MAGI2: variants seen among roughly 807,000 people sequenced by gnomAD.
The protein encoded by MAGI2 is membrane-associated guanylate kinase, WW and PDZ domain-containing protein 2.
Under a neutral mutation model 133.3 loss-of-function variants are expected in MAGI2, and 35 were observed. That is an observed-to-expected ratio of 0.26 (90% CI 0.20 to 0.35). The LOEUF is 0.35. MAGI2 is among the 10% of genes least tolerant of loss of function. The pLI, the probability that MAGI2 is intolerant of heterozygous loss-of-function variation, is 1.00. For missense variants in MAGI2, 1,636 were observed against 1,863.4 expected (o/e 0.88, Z 2.25); for synonymous variants, 729 against 710.6 (o/e 1.03, Z -0.41).
intron 2 of MAGI2, among the ~76,000 whole-genome samples, chr7:78,859,753 T>G (rs1793999605): frequency 6.6e-6 from 1 of 152,168 alleles, no homozygotes; most frequent in South Asian, 2.1e-4. Context: ...CTTCATGGCG[T>G]TCTCTGTATT....
At chr7:78,794,430 A>T (rs192694361) in intron 2 of MAGI2, among the ~76,000 whole-genome samples, 1 of 152,222 alleles carries the variant, frequency 6.6e-6, no homozygotes, top group Admixed American at 6.5e-5. Context: ...AAAATTGTCA[A>T]TGGAAATTTT....
intron 17 of MAGI2, 65 bp from the exon 18 acceptor site, chr7:78,133,125 T>G (rs948805905): frequency 2.1e-5 from 29 of 1,364,384 alleles, no homozygotes; most frequent in Non-Finnish European, 2.7e-5. Flanking sequence ...AAGAAGTGAC[T>G]AGAGGCAGTG....
intron 21 of MAGI2, among the ~76,000 whole-genome samples, chr7:78,023,028 A>G (rs1298099707): frequency 6.6e-6 from 1 of 152,218 alleles, no homozygotes; most frequent in African/African-American, 2.4e-5. Context: ...TGAGTGGTTG[A>G]ATATTTTCAT....
rs188791603 is a variant in MAGI2 at position 78,747,706 on chromosome 7, C to G, written c.419-120467G>C. 1.7e-3 allele frequency among the ~76,000 whole-genome samples: 256 copies of G among 152,254 alleles called. 3 individuals carry two copies. The highest frequency in any genetic ancestry group is 0.017 in the Admixed American group (254 of 15,278). On this transcript the variant is annotated intron_variant, in intron 2 of 21. Coordinates refer to ENST00000354212, the MANE Select transcript of MAGI2 (RefSeq NM_012301.4). The stretch of plus-strand genomic sequence containing the variant: ...CCCTGATCTCACTAGAAGGTTTGGT[C>G]TGTTTTACTCAAAGCTGCATCCGTG...
intron 20 of MAGI2, among the ~76,000 whole-genome samples, chr7:78,092,066 A>T (rs1420453841): frequency 6.6e-6 from 1 of 152,166 alleles, no homozygotes; most frequent in Admixed American, 6.5e-5. Context: ...AGCTTTCAAA[A>T]CTACATGTGT....
At chr7:79,429,842 C>CTT (rs1255552813) in intron 1 of MAGI2, among the ~76,000 whole-genome samples, 1 of 151,962 alleles carries the variant, frequency 6.6e-6, no homozygotes, top group Non-Finnish European at 1.5e-5. Flanking sequence ...AGTCAGAAGT[C>CTT]TACCAAATGA....
chr7:79,042,449 C>G (rs147163498), intron 1 of MAGI2, among the ~76,000 whole-genome samples: 10 of 152,262 alleles, frequency 6.6e-5, no homozygotes, highest in Admixed American at 4.6e-4. Context: ...CTCTTGAAGA[C>G]AGCATATAGT....
At chr7:79,404,373 T>C (rs1038221779) in intron 1 of MAGI2, among the ~76,000 whole-genome samples, 11 of 152,106 alleles carry the variant, frequency 7.2e-5, no homozygotes, top group Admixed American at 7.2e-4. Context: ...TCTCACTCTG[T>C]CACCCAGGCT....
chr7:79,023,831 A>C (rs770854387), intron 1 of MAGI2, among the ~76,000 whole-genome samples: 7 of 152,206 alleles, frequency 4.6e-5, no homozygotes, highest in Non-Finnish European at 8.8e-5. Flanking sequence ...CAAATAAATC[A>C]GAGATGACAC....
At chr7:79,202,796 C>T (rs575125394) in intron 1 of MAGI2, among the ~76,000 whole-genome samples, 8 of 152,062 alleles carry the variant, frequency 5.3e-5, no homozygotes, top group African/African-American at 1.7e-4. Flanking sequence ...ACCTGTACTA[C>T]TTATATTTCT....
intron 6 of MAGI2, among the ~76,000 whole-genome samples, chr7:78,374,834 T>C (rs1455867820): frequency 2.6e-5 from 4 of 151,526 alleles, no homozygotes; most frequent in Admixed American, 1.3e-4. Context: ...ATTCTTCTTT[T>C]ACATTGTGTT....
chr7:78,873,537 G>A (rs1054412968), intron 2 of MAGI2, among the ~76,000 whole-genome samples: 11 of 152,026 alleles, frequency 7.2e-5, no homozygotes, highest in Admixed American at 7.2e-4. Flanking sequence ...ATCACCCCCA[G>A]ATGGGACCAT....
chr7:78,151,103 T>C (rs1823828449), intron 16 of MAGI2, among the ~76,000 whole-genome samples: 1 of 147,662 alleles, frequency 6.8e-6, no homozygotes, highest in South Asian at 2.1e-4. Flanking sequence ...TATATTTATA[T>C]ATTTGCACTT....
chr7:78,573,365 AATATATATATATATATATAT>A lies in MAGI2; in HGVS notation c.539-51740_539-51721del, dbSNP rs58739225. Among the ~76,000 whole-genome samples the A allele has an allele frequency of 3.8e-4, 11 of 29,032 alleles. 2 individuals are homozygous for A. Among genetic ancestry groups the A allele is most frequent in the South Asian group, 1.7e-3 (1 of 576 alleles). 19.0% of individuals were successfully genotyped at this position (29,032 alleles called of 152,430 possible). A position where few individuals can be genotyped will look rare whatever the true frequency, so the allele number is the denominator to read the frequency against. On this transcript the variant is annotated intron_variant, in intron 3 of 21. Coordinates refer to ENST00000354212, the MANE Select transcript of MAGI2 (RefSeq NM_012301.4). ...ATATATAGAGAGAGAGAATCCTGGAAATATATATATATATATATATATATATATATATATATATAGGCTGC... is the reference window on the plus strand; with the variant it reads ...ATATATAGAGAGAGAGAATCCTGGAAATATATATATATATATATAGGCTGC...
At chr7:79,452,803 A>G (rs1028262936) in intron 1 of MAGI2, 1 of 568,158 alleles carries the variant, frequency 1.8e-6, no homozygotes, top group Admixed American at 3.4e-5. Context: ...TAACTGAGCA[A>G]ACAAAGTTGC....
intron 3 of MAGI2, among the ~76,000 whole-genome samples, chr7:78,581,736 G>A (rs2150811748): frequency 6.6e-6 from 1 of 152,278 alleles, no homozygotes; most frequent in Non-Finnish European, 1.5e-5. Flanking sequence ...TGACACAGAA[G>A]CTTACATAAG....
intron 2 of MAGI2, among the ~76,000 whole-genome samples, chr7:78,968,938 C>T (rs1490497864): frequency 6.6e-6 from 1 of 151,956 alleles, no homozygotes; most frequent in Non-Finnish European, 1.5e-5. Context: ...GTGGAATTTT[C>T]CTTCAATAAA....
At chr7:79,020,530 G>T (rs1406245832) in intron 1 of MAGI2, among the ~76,000 whole-genome samples, 1 of 152,110 alleles carries the variant, frequency 6.6e-6, no homozygotes, top group African/African-American at 2.4e-5. Context: ...ACTTTGTGAG[G>T]CGGAGGCGGG....
intron 1 of MAGI2, among the ~76,000 whole-genome samples, chr7:79,124,302 T>C (rs1820196478): frequency 6.6e-6 from 1 of 152,220 alleles, no homozygotes; most frequent in Admixed American, 6.5e-5. Context: ...CTACCAATTA[T>C]TGAACAGCTA....
Sources: allele counts gnomAD v4.1 joint callset (sites outside exome capture counted in the v4.1 genomes callset), GRCh38; gene constraint gnomAD v4.1.1; transcripts MANE v1.5; gene names NCBI Gene and HGNC (gene_info 2026-07-23, HGNC 2026-07-21).